The following NRXN2 variants were observed in gnomAD, a reference collection of about 807,000 sequenced individuals.
The protein encoded by NRXN2 is neurexin 2, also known as neurexin-2-beta.
In NRXN2, 29 loss-of-function variants were observed where a neutral mutation model predicts 128.8. The ratio of observed to expected loss-of-function variants is 0.23; its 90% confidence interval spans 0.17 to 0.31. NRXN2 has a LOEUF of 0.31. NRXN2 is among the 10% of genes least tolerant of loss of function. The pLI is 1.00. For synonymous variants in NRXN2, 1,098 were observed against 1,075.2 expected (o/e 1.02, Z -0.41); for missense variants, 1,881 against 2,452.6 (o/e 0.77, Z 4.92).
At chr11:64,643,055 C>CTCTG in intron 17 of NRXN2, 1 of 995,442 alleles carries the variant, frequency 1.0e-6, no homozygotes, top group Non-Finnish European at 1.2e-6. Flanking sequence ...CTAGGGGTCT[C>CTCTG]TCTGCATCCC....
chr11:64,640,821 G>A (rs1477057522), intron 17 of NRXN2, among the ~76,000 whole-genome samples: 1 of 152,166 alleles, frequency 6.6e-6, no homozygotes, highest in Non-Finnish European at 1.5e-5. Context: ...ACCAGCAAAT[G>A]AGCAGAAAGA....
In NRXN2 at chr11:64,685,889, T is replaced by G. The variant is rs1025602519; in HGVS notation, c.909A>C (p.Ser303=). Residue 303 remains serine (S), a synonymous_variant, in exon 6 of 23, where the codon TCA becomes TCC. Transcript: ENST00000265459. Reference sequence around the variant, plus strand: ...CAGTGCTGCTCTGGATGGGGTTGTGTGACAGGTCGTAGCAGAAGAACTCAT... The same window carrying G: ...CAGTGCTGCTCTGGATGGGGTTGTGGGACAGGTCGTAGCAGAAGAACTCAT... ...KGNEFFCYDL[S]HNPIQSSTDE... 1.2e-6 allele frequency: 2 copies of G among 1,614,068 alleles called. No individual in the cohort carries two copies. The highest frequency in any genetic ancestry group is 2.7e-5 in the African/African-American group (2 of 74,928).
In NRXN2 at chr11:64,607,005, G is replaced by T; in HGVS notation, c.*191C>A. On this transcript the variant is annotated 3_prime_UTR_variant, in exon 23 of 23. Transcript: ENST00000265459. ...AGTCAGCCCCGGGACTGACGAGGCC[G>T]CGCAGTGGACGGCAGGAGGAAGGGG... 1.6e-6 allele frequency: 1 copy of T among 627,964 alleles called. No homozygotes were observed. The highest frequency in any genetic ancestry group is 2.0e-5 in the South Asian group (1 of 49,542). 38.9% of individuals were successfully genotyped at this position (627,964 alleles called of 1,614,324 possible). A position where few individuals can be genotyped will look rare whatever the true frequency, so the allele number is the denominator to read the frequency against.
At chr11:64,634,072 T>TG (rs2044326989) in intron 18 of NRXN2, among the ~76,000 whole-genome samples, 1 of 152,098 alleles carries the variant, frequency 6.6e-6, no homozygotes. Flanking sequence ...CCCAAGCAGA[T>TG]GGGGAGAGAT....
chr11:64,697,831 G>A (rs1305038934), intron 2 of NRXN2, 39 bp from the exon 3 acceptor site: 3 of 1,612,726 alleles, frequency 1.9e-6, no homozygotes, highest in Middle Eastern at 1.6e-4. Flanking sequence ...GAGGCAGAGA[G>A]AGAAGAAAAA....
chr11:64,653,599 T>C, intron 12 of NRXN2, 97 bp downstream of exon 12: 2 of 1,224,932 alleles, frequency 1.6e-6, no homozygotes, highest in Non-Finnish European at 2.4e-6. Flanking sequence ...GAGCCAGCAA[T>C]CACGGCTTCT....
At chr11:64,625,897 A>C (rs1314546585) in intron 20 of NRXN2, among the ~76,000 whole-genome samples, 3 of 152,176 alleles carry the variant, frequency 2.0e-5, no homozygotes, top group Non-Finnish European at 4.4e-5. Flanking sequence ...CTTGTTCCAG[A>C]GATAGCAGCC....
chr11:64,642,832 C>T (rs1427332967), intron 17 of NRXN2: 2 of 1,094,730 alleles, frequency 1.8e-6, no homozygotes, highest in Non-Finnish European at 2.2e-6. Context: ...GCCTCACAGC[C>T]CCATGGCCGG....
At chr11:64,696,376 C>T (rs1036179457) in intron 3 of NRXN2, among the ~76,000 whole-genome samples, 2 of 152,108 alleles carry the variant, frequency 1.3e-5, no homozygotes, top group East Asian at 1.9e-4. Context: ...ACATATGCAT[C>T]GATGGAGGCG....
chr11:64,653,735 T>C lies in NRXN2; in HGVS notation c.2390-13A>G, dbSNP rs771815957. ...ACGCGCAGGCAGTCTGGGGGGGCCA[T>C]GGGGCGGGCAGAGGGGAAGGGGAGA... On this transcript the variant is annotated splice_polypyrimidine_tract_variant and intron_variant, in intron 11 of 22. Transcript: ENST00000265459. 5.7e-6 allele frequency: 9 copies of C among 1,574,436 alleles called. No individual in the cohort carries two copies. The highest frequency in any genetic ancestry group is 1.4e-5 in the African/African-American group (1 of 73,898).
At chr11:64,711,335 TCAG>T (rs1019046649) in intron 2 of NRXN2, among the ~76,000 whole-genome samples, 2 of 152,056 alleles carry the variant, frequency 1.3e-5, no homozygotes, top group African/African-American at 4.8e-5. Flanking sequence ...GGAGAGAACG[TCAG>T]GCCTGAGGCA....
intron 17 of NRXN2, among the ~76,000 whole-genome samples, chr11:64,640,429 T>G (rs773693762): frequency 6.6e-6 from 1 of 152,248 alleles, no homozygotes; most frequent in Non-Finnish European, 1.5e-5. Context: ...TCTGACTCCT[T>G]CATGCTTTGC....
chr11:64,663,456 A>T (rs926598075), intron 9 of NRXN2, among the ~76,000 whole-genome samples: 1 of 151,892 alleles, frequency 6.6e-6, no homozygotes, highest in African/African-American at 2.4e-5. Context: ...TCTCCATACA[A>T]GGTGTCAGAT....
At chr11:64,710,412 C>T (rs529988973) in intron 2 of NRXN2, among the ~76,000 whole-genome samples, 23 of 152,262 alleles carry the variant, frequency 1.5e-4, no homozygotes, top group Middle Eastern at 3.4e-3. Flanking sequence ...CCACACAACC[C>T]GTATTCAGAA....
Position 64,660,335 on chromosome 11 carries a change from G to A in NRXN2, c.2386C>T (p.Leu796Phe), listed in dbSNP as rs371090221. 6.2e-7 allele frequency: 1 copy of A among 1,613,354 alleles called. No individual in the cohort carries two copies. ...AAGCACAGGGCAGGGTGGTTACCGA[G>A]GTTGACAGTGAGCTTCATCTGCCCC... is the stretch of plus-strand genomic sequence containing the variant. The part of the protein sequence containing the change: ...DGGQMKLTVN[L>F]DCLRVGCAPS... Residue 796 changes from leucine to phenylalanine, a missense_variant, in exon 11 of 23, where the codon CTC becomes TTC. Leu to Phe is a conservative substitution (Grantham distance 22). This residue lies in a region of NRXN2 where 997 missense variants were observed against 1,240.8 expected (regional missense o/e 0.80). Coordinates refer to ENST00000265459, the MANE Select transcript of NRXN2 (RefSeq NM_015080.4). The surrounding 1 kb of genome is among the most constrained non-coding windows in gnomAD (Gnocchi z 5.2).
chr11:64,665,279 C>CAA (rs34174672), intron 9 of NRXN2, among the ~76,000 whole-genome samples: 1 of 129,448 alleles, frequency 7.7e-6, no homozygotes, highest in Non-Finnish European at 1.7e-5. Context: ...GACTCCATCT[C>CAA]AAAAAAAAAA....
rs1419449616 is a variant in NRXN2, at chr11:64,648,783, G to A, written c.3234C>T (p.Leu1078=). 1 of 1,614,198 alleles carries A rather than the reference G, an allele frequency of 6.2e-7. No individual in the cohort carries two copies. The highest frequency in any genetic ancestry group is 8.5e-7 in the Non-Finnish European group (1 of 1,180,008). Reference sequence around the variant, plus strand: ...CAATGCGGTGCAGGGCGTCGGCGATGAGGTCTGGGAGACGTCCGTTGAGGT... The same window carrying A: ...CAATGCGGTGCAGGGCGTCGGCGATAAGGTCTGGGAGACGTCCGTTGAGGT... The part of the protein sequence containing the change: ...SVDLNGRLPD[L]IADALHRIGQ... The change falls in exon 16 of 23, where the codon CTC becomes CTT. Residue 1078 remains leucine (L), a synonymous_variant. Transcript: ENST00000265459. This position sits in a 1 kb window ranked among gnomAD's most constrained non-coding sequence, Gnocchi z 4.1.
At position 64,648,597 on chromosome 11, in the gene NRXN2, CTG is replaced by C; in HGVS notation, c.3283+135_3283+136del. 1 of 1,239,458 alleles carries C rather than the reference CTG, an allele frequency of 8.1e-7. No individual in the cohort carries two copies. Among genetic ancestry groups the C allele is most frequent in the Non-Finnish European group, 1.2e-6 (1 of 853,934 alleles). The allele number at this position is 1,239,458 out of a possible 1,614,324, so 76.8% of individuals were successfully genotyped here. A position where few individuals can be genotyped will look rare whatever the true frequency, so the allele number is the denominator to read the frequency against. On this transcript the variant is annotated intron_variant, in intron 16 of 22. Coordinates refer to ENST00000265459, the MANE Select transcript of NRXN2 (RefSeq NM_015080.4). The surrounding 1 kb of genome is among the most constrained non-coding windows in gnomAD (Gnocchi z 4.1). ...ACACACCTGTATCCCTGCCCCAGAA[CTG>C]TGGGGGCAAGCTCCCATAAGGCCTG...
chr11:64,626,095 T>A (rs2043033875), intron 20 of NRXN2, among the ~76,000 whole-genome samples: 1 of 152,096 alleles, frequency 6.6e-6, no homozygotes, highest in Non-Finnish European at 1.5e-5. Flanking sequence ...CCGAGATGAT[T>A]CTGGGCAGAG....
Sources: gnomAD v4.1 joint callset for allele counts (sites outside exome capture counted in the v4.1 genomes callset) on GRCh38, gnomAD v4.1.1 for gene constraint, gnomAD v4.1.1 regional missense constraint, Gnocchi (gnomAD v3.1) non-coding constraint, MANE v1.5 for transcripts, NCBI Gene and HGNC (gene_info 2026-07-23, HGNC 2026-07-21) for gene names.